The following LRRC9 variants were observed in gnomAD, a reference collection of about 807,000 sequenced individuals.
The protein encoded by LRRC9 is leucine rich repeat containing 9.
LRRC9 carries 122 observed loss-of-function variants against 63.2 expected under a neutral mutation model. The ratio of observed to expected loss-of-function variants is 1.93; its 90% CI spans 1.67 to 2.24. The LOEUF (loss-of-function observed/expected upper bound fraction) is 2.24, where lower values mean the gene tolerates loss of function less well. Among genes scored for constraint, LRRC9 ranks in the 30% most tolerant of loss-of-function variants. The pLI is 0.00. For synonymous variants in LRRC9, 366 were observed against 213.1 expected, an observed-to-expected ratio of 1.72 and a Z score of -6.25; for missense variants, 1,071 against 627.7, an observed-to-expected ratio of 1.71 and a Z score of -7.55.
intron 28 of LRRC9, chr14:60,030,171 A>G (rs1183903917): frequency 6.6e-6 from 1 of 152,146 alleles, no homozygotes; most frequent in African/African-American, 2.4e-5. Context: ...AAAGATTGAT[A>G]GATGGGAGAA....
intron 23 of LRRC9, among the ~76,000 whole-genome samples, chr14:60,013,964 G>C (rs1285935159): frequency 6.6e-6 from 1 of 151,862 alleles, no homozygotes; most frequent in Non-Finnish European, 1.5e-5. Flanking sequence ...TTTTATATTT[G>C]TTTCCTTTGT....
Position 60,058,051 on chromosome 14 carries a change from A to G in LRRC9, c.4276+29A>G. On this transcript the variant is annotated intron_variant, in intron 31 of 31. Transcript: ENST00000445360. This position sits in a 1 kb window ranked among gnomAD's most constrained non-coding sequence, Gnocchi z 4.4. Reference sequence around the variant, plus strand: ...TTTTGACAATTTCAGATAGAATGTAAAAGAATCACTTAATTTGAAATAAAA... The same window carrying G: ...TTTTGACAATTTCAGATAGAATGTAGAAGAATCACTTAATTTGAAATAAAA... The G allele has an allele frequency of 1.9e-6, 1 of 539,598 alleles. No homozygotes were observed. The highest frequency in any genetic ancestry group is 3.5e-6 in the Non-Finnish European group (1 of 287,854). The allele number at this position is 539,598 out of a possible 1,614,324, so 33.4% of individuals were successfully genotyped here.
At position 59,927,776 on chromosome 14, in the gene LRRC9, A is replaced by G. The variant is rs763762267; in HGVS notation, c.-33-135A>G. On this transcript the variant is annotated intron_variant, in intron 1 of 31. Transcript: ENST00000445360. This position sits in a 1 kb window ranked among gnomAD's most constrained non-coding sequence, Gnocchi z 4.4. ...CAGAAAACTCCCTCAGAGTTTATAC[A>G]GATACTTGGTAATATACTATGTGAA... 2.5e-6 allele frequency: 1 copy of G among 405,354 alleles called. No homozygotes were observed. Among genetic ancestry groups the G allele is most frequent in the Non-Finnish European group, 4.4e-6 (1 of 228,960 alleles). 25.1% of individuals were successfully genotyped at this position (405,354 alleles called of 1,614,324 possible).
At chr14:59,928,330 G>A (rs1213682222) in exon 3 of LRRC9, 1 of 673,848 alleles carries the variant, frequency 1.5e-6, no homozygotes, top group Admixed American at 2.2e-5. Context: ...CATCAAAGTT[G>A]GAGATGTTTT....
intron 11 of LRRC9, 49 bp from the exon 12 acceptor site, chr14:59,967,047 C>A (rs909552166): frequency 1.5e-5 from 9 of 581,032 alleles, no homozygotes; most frequent in Non-Finnish European, 2.6e-5. Flanking sequence ...TATGGCTAAG[C>A]TTTTGTGAAA....
At chr14:59,974,122 T>G (rs973169118) in intron 12 of LRRC9, among the ~76,000 whole-genome samples, 1 of 152,108 alleles carries the variant, frequency 6.6e-6, no homozygotes, top group African/African-American at 2.4e-5. Flanking sequence ...AAACTAGGAT[T>G]TCCATGGGTT....
In LRRC9 at chr14:59,990,261, A is replaced by G. The variant is rs1000975880; in HGVS notation, c.2211+5037A>G. Among the ~76,000 whole-genome samples, 18 of 151,938 alleles carry G rather than the reference A, an allele frequency of 1.2e-4. 1 individual carries two copies. The highest frequency in any genetic ancestry group is 8.5e-4 in the Admixed American group (13 of 15,262). The stretch of plus-strand genomic sequence containing the variant: ...TTTTTTATTCACCTCTCGTGTCCTT[A>G]TCCTGTTTCATTTTGAGTTTAGCCC... On this transcript the variant is annotated intron_variant, in intron 17 of 31. Coordinates refer to ENST00000445360, the Ensembl canonical transcript of LRRC9. The surrounding 1 kb of genome is among the most constrained non-coding windows in gnomAD (Gnocchi z 4.2).
chr14:60,015,792 G>A (rs1366791646), intron 23 of LRRC9, among the ~76,000 whole-genome samples: 1 of 152,250 alleles, frequency 6.6e-6, no homozygotes, highest in East Asian at 1.9e-4. Flanking sequence ...TGCTGAGGAG[G>A]GATGAAATAC....
Position 59,927,903 on chromosome 14 carries a change from C to A in LRRC9, c.-33-8C>A. ...ATATTTATTTCATTTTTTCATTTTCCTTAAAAGTTATAATATTATGATCAC... is the reference window on the plus strand; with the variant it reads ...ATATTTATTTCATTTTTTCATTTTCATTAAAAGTTATAATATTATGATCAC... On this transcript the variant is annotated splice_region_variant and splice_polypyrimidine_tract_variant and intron_variant, in intron 1 of 31. Transcript: ENST00000445360. The surrounding 1 kb of genome is among the most constrained non-coding windows in gnomAD (Gnocchi z 4.4). The A allele has an allele frequency of 3.1e-6, 2 of 638,628 alleles. No homozygotes were observed. The highest frequency in any genetic ancestry group is 5.5e-6 in the Non-Finnish European group (2 of 360,380). The allele number at this position is 638,628 out of a possible 1,614,324, so 39.6% of individuals were successfully genotyped here.
chr14:60,010,464 C>T (rs28771152), intron 23 of LRRC9, among the ~76,000 whole-genome samples: 1 of 15,534 alleles, frequency 6.4e-5, no homozygotes. Context: ...TCCAGGAAAC[C>T]GTTTTTCCCT....
At chr14:60,059,613 G>A (rs143563577) in intron 31 of LRRC9, among the ~76,000 whole-genome samples, 13 of 152,286 alleles carry the variant, frequency 8.5e-5, no homozygotes, top group East Asian at 3.9e-4. Context: ...AAAGTGGTCC[G>A]GATAGGATAT....
Position 60,050,046 on chromosome 14 carries a change from G to C in LRRC9, c.3991-3019G>C, listed in dbSNP as rs58056571. ...GAGTCTCACTCTGTCACCTAGGCTGGAGTGCAGTGGCACAATCTCGGCTCA... is the reference window on the plus strand; with the variant it reads ...GAGTCTCACTCTGTCACCTAGGCTGCAGTGCAGTGGCACAATCTCGGCTCA... On this transcript the variant is annotated intron_variant, in intron 29 of 31. Coordinates refer to ENST00000445360, the Ensembl canonical transcript of LRRC9. Among the ~76,000 whole-genome samples the C allele has an allele frequency of 3.2e-3, 480 of 151,346 alleles. 3 individuals carry two copies. Among genetic ancestry groups the C allele is most frequent in the African/African-American group, 0.011 (458 of 41,194 alleles).
chr14:59,975,459 A>G (rs2140063131), intron 13 of LRRC9, among the ~76,000 whole-genome samples: 1 of 152,092 alleles, frequency 6.6e-6, no homozygotes, highest in Admixed American at 6.5e-5. Context: ...ATATGTAGAA[A>G]TATAAGTACA....
chr14:59,937,131 A>G (rs559756791), intron 6 of LRRC9, among the ~76,000 whole-genome samples: 4 of 151,530 alleles, frequency 2.6e-5, no homozygotes, highest in South Asian at 4.2e-4. Flanking sequence ...TGAGAATACA[A>G]TGTTAAACAA....
At chr14:59,951,987 A>G (rs1450712630) in intron 8 of LRRC9, among the ~76,000 whole-genome samples, 2 of 151,816 alleles carry the variant, frequency 1.3e-5, no homozygotes, top group East Asian at 1.9e-4. Flanking sequence ...GGTGGAGCCT[A>G]CAGAGGCAGG....
At chr14:60,050,232 G>T (rs1893779720) in intron 29 of LRRC9, among the ~76,000 whole-genome samples, 1 of 152,120 alleles carries the variant, frequency 6.6e-6, no homozygotes, top group Non-Finnish European at 1.5e-5. Context: ...CTGACCTCCG[G>T]TGATCCACCC....
At position 60,040,431 on chromosome 14, in the gene LRRC9, A is replaced by C. The variant is rs536423171; in HGVS notation, c.3990+8368A>C. ...TACATCTCTAAGGACTTGCTTTATG[A>C]ATCTGGGTGCTCCTGTATTGGGTGC... On this transcript the variant is annotated intron_variant, in intron 29 of 31. Transcript: ENST00000445360. Among the ~76,000 whole-genome samples the C allele has an allele frequency of 2.9e-3, 442 of 152,048 alleles. 2 individuals carry two copies. The highest frequency in any genetic ancestry group is 5.1e-3 in the Non-Finnish European group (349 of 68,022).
intron 29 of LRRC9, among the ~76,000 whole-genome samples, chr14:60,050,292 G>A (rs567409727): frequency 1.4e-4 from 21 of 152,102 alleles, no homozygotes; most frequent in African/African-American, 4.6e-4. Context: ...CACCATGCCC[G>A]GCCCTGTCTT....
intron 30 of LRRC9, among the ~76,000 whole-genome samples, chr14:60,055,558 G>A (rs1894206756): frequency 6.6e-6 from 1 of 152,000 alleles, no homozygotes; most frequent in South Asian, 2.1e-4. Flanking sequence ...CAGTTTTGAA[G>A]GTCAGGAGTC....
Sources: allele counts gnomAD v4.1 joint callset (sites outside exome capture counted in the v4.1 genomes callset), GRCh38; gene constraint gnomAD v4.1.1; non-coding constraint Gnocchi (gnomAD v3.1); transcripts MANE v1.5; gene names NCBI Gene and HGNC (gene_info 2026-07-23, HGNC 2026-07-21).